PRKAG2: variants seen among roughly 807,000 people sequenced by gnomAD.
PRKAG2 encodes the protein 5'-AMP-activated protein kinase subunit gamma-2.
PRKAG2 carries 26 observed loss-of-function variants against 69.6 expected under a neutral mutation model. That is an observed-to-expected ratio of 0.37 (90% CI 0.27 to 0.52). PRKAG2 has a LOEUF of 0.52. PRKAG2 is among the 20% of genes least tolerant of loss of function. The probability of loss-of-function intolerance (pLI) is 0.90; values close to 1 mark genes in which losing one functional copy is unlikely to be tolerated. For synonymous variants in PRKAG2, 293 were observed against 285.0 expected, an observed-to-expected ratio of 1.03 and a Z score of -0.28; for missense variants, 557 against 740.0, an observed-to-expected ratio of 0.75 and a Z score of 2.87.
rs745952261 is a variant in PRKAG2, at chr7:151,626,249, C to T, written c.754+5820G>A. Among the ~76,000 whole-genome samples the T allele has an allele frequency of 2.6e-5, 4 of 152,110 alleles. No individual in the cohort carries two copies. The East Asian group carries it at 5.8e-4, about 22-fold the overall frequency. On this transcript the variant is annotated intron_variant, in intron 5 of 15. Coordinates refer to ENST00000287878, the MANE Select transcript of PRKAG2 (RefSeq NM_016203.4). ...CTGCTTAAACTAGTCAGGGATCTTCCGGTGACAAAACCTCTATCTACTCCA... is the reference window on the plus strand; with the variant it reads ...CTGCTTAAACTAGTCAGGGATCTTCTGGTGACAAAACCTCTATCTACTCCA...
chr7:151,859,791 A>G (rs1244185496), intron 1 of PRKAG2, among the ~76,000 whole-genome samples: 1 of 152,180 alleles, frequency 6.6e-6, no homozygotes, highest in Non-Finnish European at 1.5e-5. Flanking sequence ...CCGAGGATGT[A>G]TCTCCATCTC....
intron 1 of PRKAG2, among the ~76,000 whole-genome samples, chr7:151,795,890 T>TAAAA (rs1491286413): frequency 3.9e-4 from 38 of 96,582 alleles, no homozygotes; most frequent in African/African-American, 1.5e-3. Flanking sequence ...TATATATATA[T>TAAAA]CACGATAATA....
chr7:151,750,714 T>C (rs1229878678), intron 3 of PRKAG2, among the ~76,000 whole-genome samples: 5 of 152,070 alleles, frequency 3.3e-5, no homozygotes, highest in Admixed American at 1.3e-4. Context: ...CTGAGTTATA[T>C]ACTTTAACAC....
chr7:151,787,696 A>AC (rs1376849931), intron 1 of PRKAG2, among the ~76,000 whole-genome samples: 1 of 152,196 alleles, frequency 6.6e-6, no homozygotes, highest in African/African-American at 2.4e-5. Context: ...TTCCCACCAA[A>AC]AAAAATCTAT....
At position 151,699,500 on chromosome 7, in the gene PRKAG2, T is replaced by A. The variant is rs1157360708; in HGVS notation, c.467-23863A>T. Among the ~76,000 whole-genome samples the A allele has an allele frequency of 6.6e-6, 1 of 152,140 alleles. No individual in the cohort carries two copies. The highest frequency in any genetic ancestry group is 1.5e-5 in the Non-Finnish European group (1 of 68,030). Reference sequence around the variant, plus strand: ...CAGCACAGGAGGCCCCTCCTTCCTGTTGGAGATGTTTAGTTTTATGATTAA... The same window carrying A: ...CAGCACAGGAGGCCCCTCCTTCCTGATGGAGATGTTTAGTTTTATGATTAA... On this transcript the variant is annotated intron_variant, in intron 3 of 15. Coordinates refer to ENST00000287878, the MANE Select transcript of PRKAG2 (RefSeq NM_016203.4). This position sits in a 1 kb window ranked among gnomAD's most constrained non-coding sequence, Gnocchi z 4.5.
intron 3 of PRKAG2, among the ~76,000 whole-genome samples, chr7:151,758,371 A>G (rs1408281836): frequency 1.3e-5 from 2 of 152,250 alleles, no homozygotes; most frequent in African/African-American, 2.4e-5. Context: ...AATCTGTGGC[A>G]TCTGGTTTTG....
intron 5 of PRKAG2, among the ~76,000 whole-genome samples, chr7:151,620,426 A>G (rs2538034): frequency 0.58 from 87,313 of 151,360 alleles, 25,767 homozygotes; most frequent in East Asian, 0.72. Context: ...TCCTCCTACC[A>G]TGGCCTCCCA....
In PRKAG2 at chr7:151,807,413, G is replaced by A. The variant is rs10257529; in HGVS notation, c.115-20872C>T. 220,369 of 457,462 alleles carry A rather than the reference G, an allele frequency of 0.48. 54,544 individuals carry two copies. The highest frequency in any genetic ancestry group is 0.54 in the Middle Eastern group (1,653 of 3,070). 28.3% of individuals were successfully genotyped at this position (457,462 alleles called of 1,614,324 possible). On this transcript the variant is annotated intron_variant, in intron 1 of 15. Coordinates refer to ENST00000287878, the MANE Select transcript of PRKAG2 (RefSeq NM_016203.4). The surrounding 1 kb of genome is among the most constrained non-coding windows in gnomAD (Gnocchi z 4.4). ...AGGAAGCAGCTGTGCTGTGGGTGACGGTCATACTTTATTCTCTAAAACTCT... is the reference window on the plus strand; with the variant it reads ...AGGAAGCAGCTGTGCTGTGGGTGACAGTCATACTTTATTCTCTAAAACTCT...
At chr7:151,617,266 A>AGGCGGGAGGGAGGGAG (rs1820365253) in intron 5 of PRKAG2, among the ~76,000 whole-genome samples, 1 of 96,216 alleles carries the variant, frequency 1.0e-5, no homozygotes, top group African/African-American at 4.7e-5. Context: ...GAGCGAGGGA[A>AGGCGGGAGGGAGGGAG]GGAGGGAGGG....
chr7:151,687,547 G>T lies in PRKAG2; in HGVS notation c.467-11910C>A, dbSNP rs758536780. Reference sequence around the variant, plus strand: ...TGGTGCTGTGGAGATGAACTCTGCCGAATGTGATAGTCTGGAATGGGCCAG... The same window carrying T: ...TGGTGCTGTGGAGATGAACTCTGCCTAATGTGATAGTCTGGAATGGGCCAG... On this transcript the variant is annotated intron_variant, in intron 3 of 15. Transcript: ENST00000287878. Among the ~76,000 whole-genome samples the T allele has an allele frequency of 2.0e-5, 3 of 152,328 alleles. No homozygotes were observed. In the South Asian group the frequency reaches 6.2e-4, roughly 32 times the overall value.
intron 3 of PRKAG2, among the ~76,000 whole-genome samples, chr7:151,759,566 C>T (rs1272086354): frequency 6.6e-6 from 1 of 152,198 alleles, no homozygotes; most frequent in South Asian, 2.1e-4. Context: ...AGGCAGGTAT[C>T]CTTGTCCGCT....
chr7:151,590,033 T>A (rs1418204617), intron 6 of PRKAG2, among the ~76,000 whole-genome samples: 1 of 152,228 alleles, frequency 6.6e-6, no homozygotes, highest in African/African-American at 2.4e-5. Context: ...TTTAACACAG[T>A]GTTGAGCTCT....
intron 3 of PRKAG2, among the ~76,000 whole-genome samples, chr7:151,694,031 C>T (rs188630791): frequency 1.4e-4 from 22 of 152,296 alleles, no homozygotes; most frequent in African/African-American, 4.8e-4. Context: ...ACCACCACAC[C>T]CAGCTAATTT....
chr7:151,645,355 C>T (rs536265097), intron 4 of PRKAG2, among the ~76,000 whole-genome samples: 15 of 152,294 alleles, frequency 9.8e-5, no homozygotes, highest in African/African-American at 3.4e-4. Context: ...AACACTGCCA[C>T]TAACCACATG....
intron 4 of PRKAG2, among the ~76,000 whole-genome samples, chr7:151,651,291 C>T (rs577227750): frequency 8.5e-5 from 13 of 152,252 alleles, no homozygotes; most frequent in African/African-American, 2.9e-4. Context: ...TAAAATCATG[C>T]ATGGGTGAAA....
At position 151,671,146 on chromosome 7, in the gene PRKAG2, C is replaced by T. The variant is rs371681188; in HGVS notation, c.684+4274G>A. Among the ~76,000 whole-genome samples, 6 of 127,348 alleles carry T rather than the reference C, an allele frequency of 4.7e-5. No individual in the cohort carries two copies. The East Asian group carries it at 1.4e-3, about 29-fold the overall frequency. 83.5% of individuals were successfully genotyped at this position (127,348 alleles called of 152,430 possible). A position where few individuals can be genotyped will look rare whatever the true frequency, so the allele number is the denominator to read the frequency against. The stretch of plus-strand genomic sequence containing the variant: ...CTGAGATCGCGGCAAGGCACTCCAG[C>T]CTGGGTGACAGAGCTAGACTGTCTC... On this transcript the variant is annotated intron_variant, in intron 4 of 15. Transcript: ENST00000287878.
At chr7:151,798,106 G>A (rs1194442837) in intron 1 of PRKAG2, among the ~76,000 whole-genome samples, 2 of 152,182 alleles carry the variant, frequency 1.3e-5, no homozygotes, top group Admixed American at 1.3e-4. Flanking sequence ...CTGGGTTCAA[G>A]TGATTCTCCT....
chr7:151,578,971 T>C (rs761240308), intron 6 of PRKAG2, among the ~76,000 whole-genome samples: 1 of 152,178 alleles, frequency 6.6e-6, no homozygotes, highest in Non-Finnish European at 1.5e-5. Context: ...CTGGTTGGAA[T>C]AGAATGGGAA....
intron 4 of PRKAG2, among the ~76,000 whole-genome samples, chr7:151,649,815 G>A (rs1453460587): frequency 6.6e-6 from 1 of 152,080 alleles, no homozygotes; most frequent in African/African-American, 2.4e-5. Flanking sequence ...CCAGCATCAT[G>A]CTTCCTGTAC....
Sources: allele counts gnomAD v4.1 joint callset (sites outside exome capture counted in the v4.1 genomes callset), GRCh38; gene constraint gnomAD v4.1.1; non-coding constraint Gnocchi (gnomAD v3.1); transcripts MANE v1.5; gene names NCBI Gene and HGNC (gene_info 2026-07-23, HGNC 2026-07-21).